NAALADL2: variants seen among roughly 807,000 people sequenced by gnomAD.
NAALADL2 encodes N-acetylated alpha-linked acidic dipeptidase like 2, also known as inactive N-acetylated-alpha-linked acidic dipeptidase-like protein 2.
NAALADL2 carries 76 observed loss-of-function variants against 87.2 expected under a neutral mutation model. The ratio of observed to expected loss-of-function variants is 0.87; its 90% CI spans 0.72 to 1.05. NAALADL2 has a LOEUF of 1.05. Among genes scored for constraint, NAALADL2 ranks in the 50% least tolerant of loss-of-function variants. The probability of loss-of-function intolerance (pLI) is 0.00; values close to 1 mark genes in which losing one functional copy is unlikely to be tolerated. For missense variants in NAALADL2, 1,089 were observed against 945.8 expected (o/e 1.15, Z -1.99); for synonymous variants, 354 against 331.0 (o/e 1.07, Z -0.75).
intron 5 of NAALADL2, among the ~76,000 whole-genome samples, chr3:175,398,829 GTT>G (rs1401112009): frequency 1.3e-5 from 2 of 151,914 alleles, no homozygotes; most frequent in African/African-American, 4.8e-5. Flanking sequence ...CACTATTTAT[GTT>G]ACAGGATAGG....
chr3:174,626,620 G>T (rs1484613244), intron 2 of NAALADL2, among the ~76,000 whole-genome samples: 1 of 151,936 alleles, frequency 6.6e-6, no homozygotes, highest in Non-Finnish European at 1.5e-5. Flanking sequence ...GCACCCAAAT[G>T]TATCAACCTT....
rs1227887005 is a variant in NAALADL2, at chr3:175,181,703, A to ATATG, written c.546-52227_546-52226insATGT. On this transcript the variant is annotated intron_variant, in intron 2 of 13. Coordinates refer to ENST00000454872, the MANE Select transcript of NAALADL2 (RefSeq NM_207015.3). ...CATATATATATATATATATATATAT[A>ATATG]TGTGTGTGTGTGTGTATATATATGT... Among the ~76,000 whole-genome samples the ATATG allele has an allele frequency of 9.1e-4, 97 of 106,842 alleles. 1 individual carries two copies. Among genetic ancestry groups the ATATG allele is most frequent in the Non-Finnish European group, 1.1e-3 (59 of 54,158 alleles). 70.1% of individuals were successfully genotyped at this position (106,842 alleles called of 152,430 possible).
At chr3:175,337,096 T>A (rs1009951801) in intron 5 of NAALADL2, among the ~76,000 whole-genome samples, 7 of 149,314 alleles carry the variant, frequency 4.7e-5, no homozygotes, top group Non-Finnish European at 1.1e-4. Context: ...GTCATTTCAA[T>A]ATTCCAAGAA....
intron 2 of NAALADL2, among the ~76,000 whole-genome samples, chr3:175,205,021 A>G (rs1740614084): frequency 1.3e-5 from 2 of 152,164 alleles, no homozygotes; most frequent in South Asian, 4.1e-4. Context: ...AAAAATGATC[A>G]TACTGCCAAA....
chr3:175,284,606 G>A (rs796888050), intron 4 of NAALADL2, among the ~76,000 whole-genome samples: 1 of 151,882 alleles, frequency 6.6e-6, no homozygotes, highest in East Asian at 1.9e-4. Flanking sequence ...ACATTCATTT[G>A]GCAGTGACTA....
chr3:174,517,556 A>G (rs1720007292), intron 1 of NAALADL2, among the ~76,000 whole-genome samples: 1 of 152,112 alleles, frequency 6.6e-6, no homozygotes, highest in African/African-American at 2.4e-5. Flanking sequence ...TGAGGTAGTT[A>G]GCTAATGAAC....
chr3:174,722,729 G>A (rs1484031865), intron 2 of NAALADL2, among the ~76,000 whole-genome samples: 2 of 152,252 alleles, frequency 1.3e-5, no homozygotes, highest in South Asian at 2.1e-4. Context: ...AGGTAGGATG[G>A]AAATATTTAA....
chr3:175,666,706 C>G (rs1733052156), intron 11 of NAALADL2, among the ~76,000 whole-genome samples: 1 of 151,994 alleles, frequency 6.6e-6, no homozygotes, highest in Non-Finnish European at 1.5e-5. Flanking sequence ...TGGAACGTTA[C>G]ATTAGGATAA....
At chr3:174,846,094 A>T (rs1191650600) in intron 3 of NAALADL2, among the ~76,000 whole-genome samples, 1 of 152,140 alleles carries the variant, frequency 6.6e-6, no homozygotes, top group African/African-American at 2.4e-5. Context: ...TCCTGTAGCA[A>T]TAAAATGTGC....
intron 3 of NAALADL2, among the ~76,000 whole-genome samples, chr3:175,241,249 G>A (rs1746821391): frequency 1.3e-5 from 2 of 151,440 alleles, no homozygotes; most frequent in Admixed American, 1.3e-4. Flanking sequence ...TTGTTTTTAA[G>A]ACGGAGTTTT....
chr3:175,709,056 C>T (rs1291240871), intron 11 of NAALADL2, among the ~76,000 whole-genome samples: 1 of 151,972 alleles, frequency 6.6e-6, no homozygotes, highest in East Asian at 1.9e-4. Flanking sequence ...CTTGGGGTGA[C>T]TCTTATCATT....
Position 175,176,201 on chromosome 3 carries a change from A to AT in NAALADL2, c.546-57720dup, listed in dbSNP as rs1001619322. Among the ~76,000 whole-genome samples the AT allele has an allele frequency of 7.7e-4, 115 of 148,864 alleles. 3 individuals are homozygous for AT. The highest frequency in any genetic ancestry group is 1.2e-3 in the East Asian group (6 of 5,084). ...ATTTCCCGCTGCCTTGGAAAATGAC[A>AT]TTTTTTTTTTCAGAATTTAGATTTC... On this transcript the variant is annotated intron_variant, in intron 2 of 13. Coordinates refer to ENST00000454872, the MANE Select transcript of NAALADL2 (RefSeq NM_207015.3).
chr3:175,403,601 T>C lies in NAALADL2; in HGVS notation c.1091-43628T>C, dbSNP rs112228664. On this transcript the variant is annotated intron_variant, in intron 5 of 13. Transcript: ENST00000454872. ...GTCTAAAATTCCAGAGTCATTCATATAGTTAAAAGGAAAATAATGACAAAT... is the reference window on the plus strand; with the variant it reads ...GTCTAAAATTCCAGAGTCATTCATACAGTTAAAAGGAAAATAATGACAAAT... Among the ~76,000 whole-genome samples the C allele has an allele frequency of 5.4e-3, 822 of 152,228 alleles. 6 individuals carry two copies. The highest frequency in any genetic ancestry group is 0.019 in the African/African-American group (782 of 41,572).
At chr3:175,726,457 T>C (rs534658442) in intron 11 of NAALADL2, among the ~76,000 whole-genome samples, 1 of 152,206 alleles carries the variant, frequency 6.6e-6, no homozygotes, top group Non-Finnish European at 1.5e-5. Context: ...CAATGCCCAA[T>C]TGGTAGCTAG....
At chr3:175,126,590 A>G (rs948941393) in intron 2 of NAALADL2, among the ~76,000 whole-genome samples, 2 of 152,198 alleles carry the variant, frequency 1.3e-5, no homozygotes, top group Non-Finnish European at 2.9e-5. Flanking sequence ...AACAGGTGTT[A>G]GAATTATATA....
intron 3 of NAALADL2, among the ~76,000 whole-genome samples, chr3:174,805,731 G>A (rs1048906549): frequency 2.0e-5 from 3 of 152,040 alleles, no homozygotes; most frequent in Non-Finnish European, 4.4e-5. Flanking sequence ...AGAACCCAAT[G>A]AATTATTTCA....
intron 2 of NAALADL2, among the ~76,000 whole-genome samples, chr3:174,574,197 T>C (rs551883221): frequency 1.5e-4 from 23 of 152,294 alleles, no homozygotes; most frequent in African/African-American, 5.5e-4. Flanking sequence ...AGACATATTC[T>C]AAACACGCTT....
At chr3:175,129,469 C>T (rs1009112563) in intron 2 of NAALADL2, among the ~76,000 whole-genome samples, 6 of 152,204 alleles carry the variant, frequency 3.9e-5, no homozygotes, top group Non-Finnish European at 7.3e-5. Flanking sequence ...AGCATCTCCC[C>T]ATTCCCCACC....
At chr3:175,789,133 G>C (rs1752473968) in intron 13 of NAALADL2, among the ~76,000 whole-genome samples, 2 of 152,202 alleles carry the variant, frequency 1.3e-5, no homozygotes, top group Middle Eastern at 3.4e-3. Flanking sequence ...TAAATTAACT[G>C]AAAACTCAAC....
Sources: gnomAD v4.1 joint callset for allele counts (sites outside exome capture counted in the v4.1 genomes callset) on GRCh38, gnomAD v4.1.1 for gene constraint, MANE v1.5 for transcripts, NCBI Gene and HGNC (gene_info 2026-07-23, HGNC 2026-07-21) for gene names.